RBPJ: variants seen among roughly 807,000 people sequenced by gnomAD.
The protein encoded by RBPJ is recombination signal binding protein for immunoglobulin kappa J region.
In RBPJ, 9 loss-of-function variants were observed where a neutral mutation model predicts 67.8. The observed-to-expected ratio is 0.13, with a 90% CI of 0.08 to 0.23. The LOEUF is 0.23. Among genes scored for constraint, RBPJ ranks in the 10% least tolerant of loss-of-function variants. The pLI is 1.00. For synonymous variants in RBPJ, 198 were observed against 203.3 expected (o/e 0.97, Z 0.22); for missense variants, 305 against 595.6 (o/e 0.51, Z 5.08).
the RBPJ span, among the ~76,000 whole-genome samples, chr4:26,117,666 T>C: frequency 6.6e-6 from 1 of 152,178 alleles, no homozygotes; most frequent in South Asian, 2.1e-4. Flanking sequence ...TAATTGACTT[T>C]ATAACCCTTT....
At chr4:26,324,165 A>G (rs1459041287) in intron 1 of RBPJ, among the ~76,000 whole-genome samples, 1 of 152,158 alleles carries the variant, frequency 6.6e-6, no homozygotes, top group Non-Finnish European at 1.5e-5. Context: ...AACTGTGGGG[A>G]AGGTCTAGGA....
At chr4:26,316,440 C>CATATACATTCAT (rs1264449579), upstream of RBPJ, among the ~76,000 whole-genome samples, 9,272 of 132,190 alleles carry the variant, frequency 0.07, 555 homozygotes, top group East Asian at 0.29. Context: ...TATATACATT[C>CATATACATTCAT]ATATACATTC....
At chr4:26,386,270 G>T in intron 1 of RBPJ, 83 bp from the exon 2 acceptor site, 2 of 911,562 alleles carry the variant, frequency 2.2e-6, no homozygotes, top group Non-Finnish European at 1.7e-6. Flanking sequence ...TCATAAAAGA[G>T]ATTTTATGAT....
intron 1 of RBPJ, among the ~76,000 whole-genome samples, chr4:26,247,324 T>C (rs1195942172): frequency 6.6e-6 from 1 of 152,204 alleles, no homozygotes; most frequent in Non-Finnish European, 1.5e-5. Flanking sequence ...CATTTATTCA[T>C]GGTAGGCTTT....
At chr4:26,199,984 A>C (rs181859337) in intron 1 of RBPJ, among the ~76,000 whole-genome samples, 53 of 152,262 alleles carry the variant, frequency 3.5e-4, no homozygotes, top group Admixed American at 2.3e-3. Context: ...TCAATCCTGC[A>C]GTTGATGATG....
At chr4:26,406,367 G>A in intron 3 of RBPJ, 97 bp downstream of exon 3, 1 of 751,710 alleles carries the variant, frequency 1.3e-6, no homozygotes. Context: ...TTCTATTACT[G>A]GGTTCATTTG....
At chr4:26,359,533 G>A (rs1271619788) in intron 1 of RBPJ, among the ~76,000 whole-genome samples, 1 of 151,182 alleles carries the variant, frequency 6.6e-6, no homozygotes, top group Non-Finnish European at 1.5e-5. Flanking sequence ...TTGGCAAACT[G>A]CAGGCCCCTG....
upstream of RBPJ, among the ~76,000 whole-genome samples, chr4:26,315,420 G>C (rs1023694135): frequency 6.6e-6 from 1 of 151,732 alleles, no homozygotes; most frequent in African/African-American, 2.4e-5. Context: ...TTCAAAAAGG[G>C]AGGGGGTGTA....
In RBPJ at chr4:26,275,421, C is replaced by T. The variant is rs189197823; in HGVS notation, c.-166-87025C>T. Reference sequence around the variant, plus strand: ...GAGGACCTAGCATGCTATGAGTCTACTTATGCCTCCCAACAGGCCAGTGGG... The same window carrying T: ...GAGGACCTAGCATGCTATGAGTCTATTTATGCCTCCCAACAGGCCAGTGGG... On this transcript the variant is annotated intron_variant, in intron 1 of 4. Coordinates refer to the RBPJ transcript ENST00000512351. Among the ~76,000 whole-genome samples, 6 of 152,270 alleles carry T rather than the reference C, an allele frequency of 3.9e-5. No individual in the cohort carries two copies. In the East Asian group the frequency reaches 1.2e-3, roughly 29 times the overall value.
chr4:26,273,244 T>C (rs1023673057), intron 1 of RBPJ, among the ~76,000 whole-genome samples: 2 of 152,206 alleles, frequency 1.3e-5, no homozygotes, highest in Non-Finnish European at 2.9e-5. Context: ...ACCTCCTTTT[T>C]CTTGGGTAAA....
rs527506097 is a variant in RBPJ at position 26,289,645 on chromosome 4, C to G, written c.-166-72801C>G. The stretch of plus-strand genomic sequence containing the variant: ...AGTTAATACCGCTTAACATTGTGGT[C>G]AGTATCTTCAATCACACGCTTGCAA... On this transcript the variant is annotated intron_variant, in intron 1 of 4. Transcript: ENST00000512351. Among the ~76,000 whole-genome samples the G allele has an allele frequency of 1.3e-4, 20 of 150,674 alleles. 3 individuals are homozygous for G. The East Asian group carries it at 3.8e-3, about 28-fold the overall frequency.
intron 1 of RBPJ, among the ~76,000 whole-genome samples, chr4:26,382,749 C>G (rs1273045784): frequency 6.6e-6 from 1 of 152,180 alleles, no homozygotes; most frequent in Non-Finnish European, 1.5e-5. Flanking sequence ...CTATGTTATC[C>G]AGGCTGGTCT....
intron 1 of RBPJ, among the ~76,000 whole-genome samples, chr4:26,276,861 T>A (rs1721102315): frequency 6.6e-6 from 1 of 152,042 alleles, no homozygotes; most frequent in Non-Finnish European, 1.5e-5. Flanking sequence ...AAGGGCGGAG[T>A]CAAAAACTGC....
At chr4:26,227,674 G>A (rs528738664) in intron 1 of RBPJ, among the ~76,000 whole-genome samples, 3 of 152,290 alleles carry the variant, frequency 2.0e-5, no homozygotes, top group African/African-American at 7.2e-5. Context: ...CAGGGTACAT[G>A]ACCATATATC....
rs191781046 is a variant in RBPJ at position 26,199,343 on chromosome 4, C to T, written c.-167+35729C>T. 4.6e-5 allele frequency among the ~76,000 whole-genome samples: 7 copies of T among 152,252 alleles called. No homozygotes were observed. The East Asian group carries it at 1.4e-3, about 29-fold the overall frequency. On this transcript the variant is annotated intron_variant, in intron 1 of 4. Coordinates refer to the RBPJ transcript ENST00000512351. ...CCTGTAGTCCCAGCTACTTGGGAGGCTGAGGCACTTGAACCCGGGAGGTGG... is the reference window on the plus strand; with the variant it reads ...CCTGTAGTCCCAGCTACTTGGGAGGTTGAGGCACTTGAACCCGGGAGGTGG...
rs543952350 is a variant in RBPJ, at chr4:26,293,071, G to A, written c.-166-69375G>A. Among the ~76,000 whole-genome samples the A allele has an allele frequency of 1.3e-4, 20 of 150,664 alleles. 1 individual carries two copies. Among genetic ancestry groups the A allele is most frequent in the Admixed American group, 5.9e-4 (9 of 15,132 alleles). ...GCTGGAGCACAAGGTACAGGGAGGG[G>A]AGTGAGAATGGGAGAGTAGGCTGGA... On this transcript the variant is annotated intron_variant, in intron 1 of 4. Coordinates refer to the RBPJ transcript ENST00000512351.
chr4:26,236,688 G>A (rs1291684811), intron 1 of RBPJ, among the ~76,000 whole-genome samples: 1 of 152,168 alleles, frequency 6.6e-6, no homozygotes, highest in Non-Finnish European at 1.5e-5. Flanking sequence ...CATCACCTAT[G>A]TGATAGTGTA....
chr4:26,238,443 C>G (rs754571384), intron 1 of RBPJ, among the ~76,000 whole-genome samples: 2 of 152,162 alleles, frequency 1.3e-5, no homozygotes, highest in Non-Finnish European at 2.9e-5. Flanking sequence ...TATCTCATAG[C>G]TTCTATGCAG....
chr4:26,158,545 T>C (rs1336880057), upstream of RBPJ, among the ~76,000 whole-genome samples: 2 of 152,214 alleles, frequency 1.3e-5, no homozygotes, highest in African/African-American at 4.8e-5. Context: ...AAAACCTTCC[T>C]TGTGCACAGA....
Sources: allele counts gnomAD v4.1 joint callset (sites outside exome capture counted in the v4.1 genomes callset), GRCh38; gene constraint gnomAD v4.1.1; transcripts MANE v1.5; gene names NCBI Gene and HGNC (gene_info 2026-07-23, HGNC 2026-07-21).